ANKS6: variants seen among roughly 807,000 people sequenced by gnomAD.
The protein encoded by ANKS6 is ankyrin repeat and SAM domain-containing protein 6.
ANKS6 carries 47 observed loss-of-function variants against 77.9 expected under a neutral mutation model. The ratio of observed to expected loss-of-function variants is 0.60; its 90% CI spans 0.48 to 0.77. The LOEUF is 0.77. Ranked by LOEUF, ANKS6 falls within the 30% of genes least tolerant of loss-of-function variation. ANKS6 has a pLI of 0.00. For missense variants in ANKS6, 1,150 were observed against 1,159.1 expected (o/e 0.99, Z 0.11); for synonymous variants, 488 against 501.7 (o/e 0.97, Z 0.37).
rs1184911489 is a variant in ANKS6, at chr9:98,735,631, T to C, written c.*888A>G. 1 of 1,231,604 alleles carries C rather than the reference T, an allele frequency of 8.1e-7. No homozygotes were observed. Among genetic ancestry groups the C allele is most frequent in the Non-Finnish European group, 1.0e-6 (1 of 987,970 alleles). 76.3% of individuals were successfully genotyped at this position (1,231,604 alleles called of 1,614,324 possible). The stretch of plus-strand genomic sequence containing the variant: ...CTTCCACTTTCAGTGCAGAAAGCCC[T>C]GCAGTGATACAGGTGAGCACTGTGG... On this transcript the variant is annotated 3_prime_UTR_variant, in exon 15 of 15. Transcript: ENST00000353234.
chr9:98,739,881 G>A lies in ANKS6; in HGVS notation c.2512-3258C>T, dbSNP rs539008852. Among the ~76,000 whole-genome samples, 34 of 148,346 alleles carry A rather than the reference G, an allele frequency of 2.3e-4. No individual in the cohort carries two copies. In the South Asian group the frequency reaches 3.6e-3, roughly 16 times the overall value. ...CGCCATTCTCCTGCCTCAGCCTCCCGAGTAGCTGGGACTACAGGCGCCCGC... is the reference window on the plus strand; with the variant it reads ...CGCCATTCTCCTGCCTCAGCCTCCCAAGTAGCTGGGACTACAGGCGCCCGC... On this transcript the variant is annotated intron_variant, in intron 14 of 14. Transcript: ENST00000353234.
At chr9:98,782,852 G>GT (rs982871239) in intron 4 of ANKS6, among the ~76,000 whole-genome samples, 32 of 152,286 alleles carry the variant, frequency 2.1e-4, no homozygotes, top group African/African-American at 7.0e-4. Context: ...GGAAGCCAAG[G>GT]TGGGAGGATC....
chr9:98,774,519 T>G (rs1833820800), intron 8 of ANKS6, among the ~76,000 whole-genome samples: 1 of 151,818 alleles, frequency 6.6e-6, no homozygotes, highest in African/African-American at 2.4e-5. Context: ...GGGGCCAGAA[T>G]ATGGAAAGGC....
intron 11 of ANKS6, among the ~76,000 whole-genome samples, chr9:98,766,793 T>C (rs886080985): frequency 3.3e-5 from 5 of 152,280 alleles, no homozygotes; most frequent in Middle Eastern, 3.4e-3. Flanking sequence ...TACATGTACA[T>C]CCTGGGAGCA....
chr9:98,761,418 A>G (rs1165646551), intron 11 of ANKS6, among the ~76,000 whole-genome samples: 3 of 152,168 alleles, frequency 2.0e-5, no homozygotes, highest in African/African-American at 7.2e-5. Flanking sequence ...CACAGATATG[A>G]GCCACTGCAC....
intron 12 of ANKS6, 36 bp from the exon 13 acceptor site, chr9:98,751,132 T>C (rs1181648509): frequency 1.3e-6 from 2 of 1,552,660 alleles, no homozygotes; most frequent in Admixed American, 1.9e-5. Flanking sequence ...AACAACACAT[T>C]TTAGAATTTG....
chr9:98,757,304 T>A (rs2117935417), intron 11 of ANKS6, among the ~76,000 whole-genome samples: 1 of 152,330 alleles, frequency 6.6e-6, no homozygotes, highest in African/African-American at 2.4e-5. Flanking sequence ...CAAGATCTGA[T>A]CCAGGAACCC....
chr9:98,789,867 T>A (rs150140057), intron 2 of ANKS6: 2 of 505,476 alleles, frequency 4.0e-6, no homozygotes, highest in Middle Eastern at 5.3e-4. Context: ...AGCCTTGTTA[T>A]AGAGGCTTCC....
At position 98,732,293 on chromosome 9, in the gene ANKS6, T is replaced by C. The variant is rs1831243165; in HGVS notation, c.*4226A>G. The C allele has an allele frequency of 1.6e-6, 1 of 634,876 alleles. No homozygotes were observed. The allele number at this position is 634,876 out of a possible 1,614,324, so 39.3% of individuals were successfully genotyped here. ...CCTGGCCCATGTCTTCAGGCAGCTC[T>C]GAGGCAAGAATAAAAGGGACGAGTT... On this transcript the variant is annotated 3_prime_UTR_variant, in exon 15 of 15. Coordinates refer to ENST00000353234, the MANE Select transcript of ANKS6 (RefSeq NM_173551.5).
At position 98,732,429 on chromosome 9, in the gene ANKS6, C is replaced by T; in HGVS notation, c.*4090G>A. 2 of 1,479,916 alleles carry T rather than the reference C, an allele frequency of 1.4e-6. No individual in the cohort carries two copies. Among genetic ancestry groups the T allele is most frequent in the Non-Finnish European group, 1.8e-6 (2 of 1,085,806 alleles). 91.7% of individuals were successfully genotyped at this position (1,479,916 alleles called of 1,614,324 possible). ...TGACAGCAAGACCCAGAGTCAGGCA[C>T]ATTTGGAGGGCAGGTCCATCGGCCA... On this transcript the variant is annotated 3_prime_UTR_variant, in exon 15 of 15. Transcript: ENST00000353234.
chr9:98,756,710 A>T, intron 11 of ANKS6, 107 bp from the exon 12 acceptor site: 1 of 926,910 alleles, frequency 1.1e-6, no homozygotes, highest in Non-Finnish European at 1.5e-6. Flanking sequence ...ATTCAACATG[A>T]TGTTTAACCA....
Position 98,778,385 on chromosome 9 carries a change from T to C in ANKS6, c.1408A>G (p.Lys470Glu). The C allele has an allele frequency of 6.2e-7, 1 of 1,614,126 alleles. No individual in the cohort carries two copies. The highest frequency in any genetic ancestry group is 1.1e-5 in the South Asian group (1 of 91,076). ...NRMSNRFRKL[K>E]LMQTLPRGLS... ...CCACGGGGCAGCGTCTGCATCAGTT[T>C]GAGCTTTCGGAACCGATTGGACATT... Residue 470 changes from lysine (K) to glutamate (E), a missense_variant, in exon 7 of 15, where the codon AAA (lysine) becomes GAA (glutamate). Physicochemically the swap from Lys to Glu is moderately conservative, Grantham distance 56. Transcript: ENST00000353234.
chr9:98,732,704 C>T lies in ANKS6; in HGVS notation c.*3815G>A. ...CACATGATCCCTGGGGGCTACTATC[C>T]CCCTGTAACCAAAAGGGAAACTGGG... is the stretch of plus-strand genomic sequence containing the variant. On this transcript the variant is annotated 3_prime_UTR_variant, in exon 15 of 15. Transcript: ENST00000353234. 6.9e-7 allele frequency: 1 copy of T among 1,449,060 alleles called. No homozygotes were observed. The allele number at this position is 1,449,060 out of a possible 1,614,324, so 89.8% of individuals were successfully genotyped here.
In ANKS6 at chr9:98,735,641, C is replaced by A; in HGVS notation, c.*878G>T. The A allele has an allele frequency of 3.2e-6, 4 of 1,231,778 alleles. No individual in the cohort carries two copies. The highest frequency in any genetic ancestry group is 4.0e-6 in the Non-Finnish European group (4 of 987,980). 76.3% of individuals were successfully genotyped at this position (1,231,778 alleles called of 1,614,324 possible). A position where few individuals can be genotyped will look rare whatever the true frequency, so the allele number is the denominator to read the frequency against. On this transcript the variant is annotated 3_prime_UTR_variant, in exon 15 of 15. Coordinates refer to ENST00000353234, the MANE Select transcript of ANKS6 (RefSeq NM_173551.5). ...CAGTGCAGAAAGCCCTGCAGTGATA[C>A]AGGTGAGCACTGTGGAGTACCAGAG...
rs745414296 is a variant in ANKS6, at chr9:98,784,416, G to A, written c.908-259C>T. ...AGTGTTGTTAGTGTCTTCAGAGAAC[G>A]GATGAAGGAGACAGAAGAAGACAGA... is the stretch of plus-strand genomic sequence containing the variant. On this transcript the variant is annotated intron_variant, in intron 3 of 14. Transcript: ENST00000353234. 4.5e-5 allele frequency: 18 copies of A among 396,596 alleles called. 1 individual carries two copies. The highest frequency in any genetic ancestry group is 7.4e-5 in the Non-Finnish European group (17 of 228,352). 24.6% of individuals were successfully genotyped at this position (396,596 alleles called of 1,614,324 possible).
intron 11 of ANKS6, among the ~76,000 whole-genome samples, 191 bp from the exon 12 acceptor site, chr9:98,756,794 C>T (rs1362281741): frequency 6.6e-6 from 1 of 152,020 alleles, no homozygotes; most frequent in Non-Finnish European, 1.5e-5. Context: ...GAAAATGCAA[C>T]CCTGGAGCAG....
chr9:98,738,585 A>T (rs939175406), intron 14 of ANKS6, among the ~76,000 whole-genome samples: 14 of 152,036 alleles, frequency 9.2e-5, no homozygotes, highest in Admixed American at 3.9e-4. Context: ...ATAAAATAAA[A>T]AAAAAAACAG....
chr9:98,782,453 T>C lies in ANKS6; in HGVS notation c.1219+14A>G. 6.2e-7 allele frequency: 1 copy of C among 1,611,220 alleles called. No homozygotes were observed. The highest frequency in any genetic ancestry group is 8.5e-7 in the Non-Finnish European group (1 of 1,177,404). On this transcript the variant is annotated intron_variant, in intron 5 of 14. Transcript: ENST00000353234. ...GCTGGGTAGATTTACAACCCTTTTCTTGAAATTACCTACCGGGATCATTCA... is the reference window on the plus strand; with the variant it reads ...GCTGGGTAGATTTACAACCCTTTTCCTGAAATTACCTACCGGGATCATTCA...
At chr9:98,751,215 C>A (rs1178170214) in intron 12 of ANKS6, 119 bp from the exon 13 acceptor site, 1 of 830,264 alleles carries the variant, frequency 1.2e-6, no homozygotes, top group Non-Finnish European at 1.9e-6. Context: ...GAAACACCAA[C>A]ACAGAAAGCT....
Sources: allele counts gnomAD v4.1 joint callset (sites outside exome capture counted in the v4.1 genomes callset), GRCh38; gene constraint gnomAD v4.1.1; transcripts MANE v1.5; gene names NCBI Gene and HGNC (gene_info 2026-07-23, HGNC 2026-07-21).